Variants in ABCC8 observed in about 807,000 individuals in gnomAD.
The protein encoded by ABCC8 is ATP-binding cassette sub-family C member 8.
Under a neutral mutation model 188.0 loss-of-function variants are expected in ABCC8, and 137 were observed. That is an observed-to-expected ratio of 0.73 (90% confidence interval 0.63 to 0.84). The LOEUF is 0.84. Ranked by LOEUF, ABCC8 falls within the 40% of genes least tolerant of loss-of-function variation. The pLI is 0.00. For synonymous variants in ABCC8, 797 were observed against 846.5 expected (o/e 0.94, Z 1.01); for missense variants, 1,750 against 2,072.7 (o/e 0.84, Z 3.02).
At chr11:17,418,185 A>G (rs898961092) in intron 16 of ABCC8, among the ~76,000 whole-genome samples, 2 of 152,206 alleles carry the variant, frequency 1.3e-5, no homozygotes, top group African/African-American at 4.8e-5. Context: ...TCACACAGCT[A>G]GTAAGTAGCG....
At chr11:17,422,296 G>A (rs939838622) in intron 16 of ABCC8, among the ~76,000 whole-genome samples, 1 of 152,200 alleles carries the variant, frequency 6.6e-6, no homozygotes, top group Non-Finnish European at 1.5e-5. Flanking sequence ...ATAAGGAGCT[G>A]CAGACTGACC....
chr11:17,397,832 G>A (rs1274172259), intron 30 of ABCC8, 35 bp from the exon 31 acceptor site: 1 of 1,611,104 alleles, frequency 6.2e-7, no homozygotes, highest in Admixed American at 1.7e-5. Context: ...GGGCGCTCAG[G>A]GGTTAGAGCC....
chr11:17,400,169 A>G (rs1591723816), intron 29 of ABCC8, among the ~76,000 whole-genome samples: 1 of 152,148 alleles, frequency 6.6e-6, no homozygotes, highest in Admixed American at 6.5e-5. Context: ...GAGAGAGGGC[A>G]TGTGTCTGAG....
In ABCC8 at chr11:17,460,679, GC is replaced by G; in HGVS notation, c.823-4del. On this transcript the variant is annotated splice_region_variant and splice_polypyrimidine_tract_variant and intron_variant, in intron 5 of 38. Coordinates refer to ENST00000389817, the MANE Select transcript of ABCC8 (RefSeq NM_000352.6). ...TGAGTGCCCTGAATGTCCTTCCGCTGCCCAGAGAGACCATGGCCAGGTCAGA... is the reference window on the plus strand; with the variant it reads ...TGAGTGCCCTGAATGTCCTTCCGCTGCCAGAGAGACCATGGCCAGGTCAGA... 1 of 1,607,026 alleles carries G rather than the reference GC, an allele frequency of 6.2e-7. No homozygotes were observed. The highest frequency in any genetic ancestry group is 8.5e-7 in the Non-Finnish European group (1 of 1,179,988).
chr11:17,443,326 C>A lies in ABCC8; in HGVS notation c.1333-14G>T. On this transcript the variant is annotated splice_polypyrimidine_tract_variant and intron_variant, in intron 8 of 38. Coordinates refer to ENST00000389817, the MANE Select transcript of ABCC8 (RefSeq NM_000352.6). ...ACCCACAATGATCTGAGGAAGGGGT[C>A]ATGGGTCAGGTCCCTTTGACCTGAT... is the stretch of plus-strand genomic sequence containing the variant. 6.2e-7 allele frequency: 1 copy of A among 1,613,966 alleles called. No homozygotes were observed. The highest frequency in any genetic ancestry group is 1.1e-5 in the South Asian group (1 of 91,054).
At chr11:17,408,006 T>G (rs1018935739) in intron 23 of ABCC8, among the ~76,000 whole-genome samples, 2 of 152,232 alleles carry the variant, frequency 1.3e-5, no homozygotes, top group Non-Finnish European at 2.9e-5. Flanking sequence ...AACAGATTTC[T>G]GATTACACTG....
intron 6 of ABCC8, among the ~76,000 whole-genome samples, chr11:17,453,507 T>C (rs1282901463): frequency 6.6e-6 from 1 of 152,176 alleles, no homozygotes; most frequent in Non-Finnish European, 1.5e-5. Context: ...ATCTTTCCAC[T>C]TGGGGGAACA....
chr11:17,467,147 G>A (rs373551756), intron 3 of ABCC8, among the ~76,000 whole-genome samples: 1 of 151,460 alleles, frequency 6.6e-6, no homozygotes, highest in Admixed American at 6.6e-5. Context: ...AGGTGGGTGC[G>A]GTGGCTCACG....
intron 37 of ABCC8, 108 bp from the exon 38 acceptor site, chr11:17,393,867 C>G (rs574245438): frequency 2.5e-6 from 4 of 1,605,832 alleles, no homozygotes; most frequent in Non-Finnish European, 2.6e-6. Context: ...CATCTGACCC[C>G]GATCCTAGTC....
At chr11:17,425,480 C>A (rs1564919991) in intron 16 of ABCC8, among the ~76,000 whole-genome samples, 1 of 151,888 alleles carries the variant, frequency 6.6e-6, no homozygotes, top group African/African-American at 2.4e-5. Context: ...GAAAGCTTGC[C>A]CTTCTGCTGA....
chr11:17,463,081 C>A (rs4148610), intron 4 of ABCC8, among the ~76,000 whole-genome samples: 4 of 151,864 alleles, frequency 2.6e-5, no homozygotes, highest in Admixed American at 6.6e-5. Flanking sequence ...ATTCATTTAC[C>A]AGCGTGACGA....
intron 7 of ABCC8, among the ~76,000 whole-genome samples, chr11:17,450,190 A>G (rs182629237): frequency 2.6e-5 from 4 of 151,956 alleles, no homozygotes; most frequent in Admixed American, 2.0e-4. Context: ...TTTTCCGGAA[A>G]TCTCCAAAAG....
chr11:17,395,446 A>C, intron 35 of ABCC8, 164 bp downstream of exon 35: 1 of 1,472,492 alleles, frequency 6.8e-7, no homozygotes, highest in Non-Finnish European at 9.1e-7. Flanking sequence ...TGGGTGGGGG[A>C]TCCCCTTCCA....
At position 17,428,332 on chromosome 11, in the gene ABCC8, A is replaced by G; in HGVS notation, c.1997T>C (p.Leu666Pro). The change falls in exon 14 of 39, where the codon CTG (leucine) becomes CCG (proline). Residue 666 changes from leucine to proline, a missense_variant. Coordinates refer to ENST00000389817, the MANE Select transcript of ABCC8 (RefSeq NM_000352.6). Reference protein sequence around the residue: ...CRGLTGPLQSLVPSADGDADN... With the variant: ...CRGLTGPLQSPVPSADGDADN... ...AGCATCGCCATCTGCACTGGGGACC[A>G]GGCTCTGCAGTGGGCCGGTGAGGCC... 1 of 1,614,192 alleles carries G rather than the reference A, an allele frequency of 6.2e-7. No individual in the cohort carries two copies. The highest frequency in any genetic ancestry group is 8.5e-7 in the Non-Finnish European group (1 of 1,180,032).
rs1956113171 is a variant in ABCC8 at position 17,436,738 on chromosome 11, T to C, written c.1631-4494A>G. 1.3e-5 allele frequency among the ~76,000 whole-genome samples: 2 copies of C among 152,184 alleles called. 1 individual carries two copies. The highest frequency in any genetic ancestry group is 4.1e-4 in the South Asian group (2 of 4,830). Reference sequence around the variant, plus strand: ...ATCAAAACTGAAAGCCCTTCTGCAATAGTGTAGAGACATGGGTATTTTTTA... The same window carrying C: ...ATCAAAACTGAAAGCCCTTCTGCAACAGTGTAGAGACATGGGTATTTTTTA... On this transcript the variant is annotated intron_variant, in intron 10 of 38. Transcript: ENST00000389817.
chr11:17,450,340 C>CT (rs1956750298), intron 7 of ABCC8, among the ~76,000 whole-genome samples: 10 of 115,736 alleles, frequency 8.6e-5, no homozygotes, highest in Admixed American at 7.3e-4. Flanking sequence ...CTCTCTCTTT[C>CT]CTTTCTTTCT....
At chr11:17,413,693 A>T (rs2133475064) in intron 19 of ABCC8, 6 of 916,560 alleles carry the variant, frequency 6.5e-6, no homozygotes, top group Non-Finnish European at 9.8e-6. Flanking sequence ...TACTAGAAGG[A>T]TGGAATTGGT....
rs1957189134 is a variant in ABCC8 at position 17,461,572 on chromosome 11, C to T, written c.822+11G>A. 2 of 1,614,068 alleles carry T rather than the reference C, an allele frequency of 1.2e-6. No homozygotes were observed. Among genetic ancestry groups the T allele is most frequent in the Admixed American group, 1.7e-5 (1 of 60,016 alleles). On this transcript the variant is annotated intron_variant, in intron 5 of 38. Coordinates refer to ENST00000389817, the MANE Select transcript of ABCC8 (RefSeq NM_000352.6). Reference sequence around the variant, plus strand: ...GCAGTGAATAGATGGTGTGGCTGTGCCCCCACTGACCACCTGGGCGTCAAA... The same window carrying T: ...GCAGTGAATAGATGGTGTGGCTGTGTCCCCACTGACCACCTGGGCGTCAAA...
At chr11:17,425,328 A>G (rs1955531689) in intron 16 of ABCC8, among the ~76,000 whole-genome samples, 1 of 152,174 alleles carries the variant, frequency 6.6e-6, no homozygotes, top group Non-Finnish European at 1.5e-5. Flanking sequence ...CCATTCAGGG[A>G]CATCTTGGAA....
Sources: allele counts gnomAD v4.1 joint callset (sites outside exome capture counted in the v4.1 genomes callset), GRCh38; gene constraint gnomAD v4.1.1; transcripts MANE v1.5; gene names NCBI Gene and HGNC (gene_info 2026-07-23, HGNC 2026-07-21).